ZFPM2: variants seen among roughly 807,000 people sequenced by gnomAD.
The protein encoded by ZFPM2 is zinc finger protein ZFPM2.
ZFPM2 carries 20 observed loss-of-function variants against 98.6 expected under a neutral mutation model. The observed-to-expected ratio is 0.20, with a 90% CI of 0.14 to 0.29. The LOEUF is 0.29. Ranked by LOEUF, ZFPM2 falls within the 10% of genes least tolerant of loss-of-function variation. The probability of loss-of-function intolerance (pLI) is 1.00; values close to 1 mark genes in which losing one functional copy is unlikely to be tolerated. For missense variants in ZFPM2, 1,310 were observed against 1,388.6 expected (o/e 0.94, Z 0.90); for synonymous variants, 518 against 502.7 (o/e 1.03, Z -0.41).
intron 1 of ZFPM2, among the ~76,000 whole-genome samples, chr8:105,406,119 A>G (rs1811452430): frequency 6.6e-6 from 1 of 151,844 alleles, no homozygotes; most frequent in African/African-American, 2.4e-5. Flanking sequence ...TCACTTTTTG[A>G]TGGGGTTGTT....
intron 1 of ZFPM2, among the ~76,000 whole-genome samples, chr8:105,404,903 A>G (rs1811411190): frequency 6.6e-6 from 1 of 152,144 alleles, no homozygotes; most frequent in Non-Finnish European, 1.5e-5. Flanking sequence ...AATGATTTCC[A>G]GAACCTAATT....
intron 1 of ZFPM2, among the ~76,000 whole-genome samples, chr8:105,395,875 C>T (rs1273245267): frequency 1.3e-5 from 2 of 152,150 alleles, no homozygotes; most frequent in African/African-American, 2.4e-5. Flanking sequence ...GGAATGTCCG[C>T]CTTCTACTCT....
chr8:105,566,403 A>C (rs1815244246), intron 4 of ZFPM2, among the ~76,000 whole-genome samples: 1 of 152,040 alleles, frequency 6.6e-6, no homozygotes, highest in Non-Finnish European at 1.5e-5. Context: ...TTATTCACTG[A>C]AAAAAAATCA....
chr8:105,543,925 C>T (rs751886357), intron 3 of ZFPM2, among the ~76,000 whole-genome samples: 2 of 152,138 alleles, frequency 1.3e-5, no homozygotes, highest in Non-Finnish European at 2.9e-5. Flanking sequence ...TACATGCACA[C>T]GCATGCTACA....
chr8:105,803,761 GCTGTGGT>G lies in ZFPM2; in HGVS notation c.*224_*230del. On this transcript the variant is annotated 3_prime_UTR_variant, in exon 8 of 8. Transcript: ENST00000407775. ...ATTTATTTTACCAGCAGTATTCATA[GCTGTGGT>G]TATGTTATTTTTTATTTAAAAACTT... The G allele has an allele frequency of 1.9e-6, 1 of 513,678 alleles. No individual in the cohort carries two copies. Among genetic ancestry groups the G allele is most frequent in the Non-Finnish European group, 3.4e-6 (1 of 291,756 alleles). 31.8% of individuals were successfully genotyped at this position (513,678 alleles called of 1,614,324 possible).
intron 3 of ZFPM2, among the ~76,000 whole-genome samples, chr8:105,549,979 ATATT>A (rs1814813252): frequency 6.6e-6 from 1 of 152,142 alleles, no homozygotes; most frequent in African/African-American, 2.4e-5. Flanking sequence ...TTCAGAGAAA[ATATT>A]TAGTTATTAA....
chr8:105,787,205 A>G (rs918013472), intron 5 of ZFPM2: 9 of 152,362 alleles, frequency 5.9e-5, no homozygotes, highest in African/African-American at 2.2e-4. Flanking sequence ...TGATTTCGAC[A>G]TGATATGGTT....
intron 5 of ZFPM2, among the ~76,000 whole-genome samples, chr8:105,726,981 A>C (rs1811824167): frequency 6.6e-6 from 1 of 151,758 alleles, no homozygotes; most frequent in African/African-American, 2.4e-5. Context: ...TTAGTCACAA[A>C]GTGTATAGTG....
At chr8:105,712,997 T>C (rs1397683910) in intron 5 of ZFPM2, among the ~76,000 whole-genome samples, 1 of 152,028 alleles carries the variant, frequency 6.6e-6, no homozygotes, top group Non-Finnish European at 1.5e-5. Flanking sequence ...AATAAACGTA[T>C]GAGTGCAGGT....
chr8:105,572,049 T>G (rs2130722773), intron 4 of ZFPM2, among the ~76,000 whole-genome samples: 1 of 141,746 alleles, frequency 7.1e-6, no homozygotes, highest in Middle Eastern at 3.5e-3. Context: ...TTTTTTTTTT[T>G]TTTTTTGAGA....
At chr8:105,661,270 A>G (rs947134433) in intron 5 of ZFPM2, among the ~76,000 whole-genome samples, 2 of 152,208 alleles carry the variant, frequency 1.3e-5, no homozygotes, top group African/African-American at 4.8e-5. Flanking sequence ...GAGGAAGCAA[A>G]ATAGAAAGAC....
At chr8:105,782,388 A>G (rs1266822655) in intron 5 of ZFPM2, 2 of 152,218 alleles carry the variant, frequency 1.3e-5, no homozygotes, top group Admixed American at 6.5e-5. Flanking sequence ...CTTACTCACC[A>G]ATAAAGTGCT....
intron 3 of ZFPM2, among the ~76,000 whole-genome samples, chr8:105,549,242 CAGAG>C (rs1354024731): frequency 1.3e-5 from 2 of 151,976 alleles, no homozygotes; most frequent in African/African-American, 2.4e-5. Context: ...GAGGAGAAGA[CAGAG>C]AAGAAGAATA....
intron 5 of ZFPM2, among the ~76,000 whole-genome samples, chr8:105,751,610 T>C (rs1471159025): frequency 6.6e-6 from 1 of 152,108 alleles, no homozygotes; most frequent in African/African-American, 2.4e-5. Flanking sequence ...CTGCAAAATA[T>C]GTTTTTCAAT....
In ZFPM2 at chr8:105,469,032, A is replaced by T. The variant is rs1358243675; in HGVS notation, c.301+24651A>T. On this transcript the variant is annotated intron_variant, in intron 3 of 7. Transcript: ENST00000407775. ...CTAAATTCAAATTCTCACTTGTCCC[A>T]TAGGGGGAAAAGTGATGGGGCAGCC... 4.0e-5 allele frequency among the ~76,000 whole-genome samples: 6 copies of T among 151,590 alleles called. No individual in the cohort carries two copies. The South Asian group carries it at 1.2e-3, about 31-fold the overall frequency.
intron 5 of ZFPM2, among the ~76,000 whole-genome samples, chr8:105,639,935 G>T (rs1816919583): frequency 6.6e-6 from 1 of 151,872 alleles, no homozygotes; most frequent in Non-Finnish European, 1.5e-5. Flanking sequence ...TTTTATTTTA[G>T]TGAAAGTCTT....
At chr8:105,613,786 T>C (rs1347594075) in intron 4 of ZFPM2, among the ~76,000 whole-genome samples, 1 of 152,010 alleles carries the variant, frequency 6.6e-6, no homozygotes, top group Non-Finnish European at 1.5e-5. Context: ...AATAGTACCG[T>C]GAGAAAAGAT....
chr8:105,693,980 C>CTTTTTTTTTTTTTTTTTTT (rs376834507), intron 5 of ZFPM2, among the ~76,000 whole-genome samples: 68 of 118,402 alleles, frequency 5.7e-4, no homozygotes, highest in Non-Finnish European at 7.3e-4. Context: ...TTTTTCTTTT[C>CTTTTTTTTTTTTTTTTTTT]TTTTTTTTTT....
At chr8:105,603,363 C>G (rs964757027) in intron 4 of ZFPM2, among the ~76,000 whole-genome samples, 3 of 152,034 alleles carry the variant, frequency 2.0e-5, no homozygotes, top group Admixed American at 6.6e-5. Flanking sequence ...AGCCTGAGGA[C>G]AGAATAAAAA....
Sources: gnomAD v4.1 joint callset for allele counts (sites outside exome capture counted in the v4.1 genomes callset) on GRCh38, gnomAD v4.1.1 for gene constraint, MANE v1.5 for transcripts, NCBI Gene and HGNC (gene_info 2026-07-23, HGNC 2026-07-21) for gene names.